Variants in PTBP3 observed in about 807,000 individuals in gnomAD.
PTBP3 encodes the protein polypyrimidine tract binding protein 3.
Under a neutral mutation model 58.7 loss-of-function variants are expected in PTBP3, and 20 were observed. The observed-to-expected ratio is 0.34, with a 90% CI of 0.24 to 0.50. The LOEUF is 0.50. PTBP3 is among the 20% of genes least tolerant of loss of function. PTBP3 has a pLI of 0.98. For missense variants in PTBP3, 509 were observed against 637.2 expected, an observed-to-expected ratio of 0.80 and a Z score of 2.17; for synonymous variants, 185 against 219.8, an observed-to-expected ratio of 0.84 and a Z score of 1.40.
At chr9:112,319,876 C>T (rs1829849414) in intron 1 of PTBP3, among the ~76,000 whole-genome samples, 1 of 152,172 alleles carries the variant, frequency 6.6e-6, no homozygotes, top group African/African-American at 2.4e-5. Context: ...CATGAGACAA[C>T]ATGGATAAAC....
chr9:112,277,271 C>A (rs776609480), intron 2 of PTBP3, among the ~76,000 whole-genome samples: 3 of 152,118 alleles, frequency 2.0e-5, no homozygotes, highest in Non-Finnish European at 4.4e-5. Context: ...GGTCTGCGTA[C>A]CTTTATATAG....
chr9:112,296,212 C>T (rs1485354179), intron 2 of PTBP3, among the ~76,000 whole-genome samples: 1 of 152,066 alleles, frequency 6.6e-6, no homozygotes, highest in Non-Finnish European at 1.5e-5. Context: ...TTTAAAACAA[C>T]ACCTAAACAG....
At chr9:112,376,252 G>T in the PTBP3 span, among the ~76,000 whole-genome samples, 10 of 75,006 alleles carry the variant, frequency 1.3e-4, no homozygotes, top group East Asian at 1.7e-3. Flanking sequence ...AGTTTATTAA[G>T]TTTTTTTTTT....
the PTBP3 span, among the ~76,000 whole-genome samples, chr9:112,366,668 A>G: frequency 1.3e-5 from 2 of 152,236 alleles, no homozygotes; most frequent in Non-Finnish European, 2.9e-5. Context: ...AGTTTGCTGC[A>G]GGGGTGGGCC....
chr9:112,290,705 T>TACACACACACACACACAC (rs1418787518), intron 2 of PTBP3, among the ~76,000 whole-genome samples: 3 of 72,986 alleles, frequency 4.1e-5, no homozygotes, highest in African/African-American at 1.4e-4. Flanking sequence ...TATATATATA[T>TACACACACACACACACAC]ATACACACAC....
intron 10 of PTBP3, 124 bp from the exon 11 acceptor site, chr9:112,228,596 A>T: frequency 1.8e-6 from 1 of 568,320 alleles, no homozygotes; most frequent in East Asian, 3.1e-5. Flanking sequence ...ATACACCTGC[A>T]AATTTTTATC....
At chr9:112,268,522 C>A (rs866448361) in intron 3 of PTBP3, among the ~76,000 whole-genome samples, 19 of 151,374 alleles carry the variant, frequency 1.3e-4, no homozygotes, top group Non-Finnish European at 2.7e-4. Context: ...CAGCGAGAAC[C>A]CATCTCTACA....
At chr9:112,337,447 A>G (rs1354644502), upstream of PTBP3, among the ~76,000 whole-genome samples, 4 of 152,230 alleles carry the variant, frequency 2.6e-5, no homozygotes, top group African/African-American at 9.6e-5. Flanking sequence ...AACTGTTCCC[A>G]TAGCCTACAT....
At chr9:112,311,903 C>T (rs192927482) in intron 1 of PTBP3, among the ~76,000 whole-genome samples, 1 of 152,160 alleles carries the variant, frequency 6.6e-6, no homozygotes, top group East Asian at 1.9e-4. Context: ...GCTCTAGGAT[C>T]GTGCCTGTGA....
At chr9:112,270,624 T>C (rs902872910) in intron 3 of PTBP3, among the ~76,000 whole-genome samples, 1 of 152,184 alleles carries the variant, frequency 6.6e-6, no homozygotes, top group African/African-American at 2.4e-5. Context: ...CGTGTAGCAT[T>C]GACAGACAGC....
intron 7 of PTBP3, among the ~76,000 whole-genome samples, chr9:112,246,806 G>A (rs996783541): frequency 6.6e-6 from 1 of 152,040 alleles, no homozygotes; most frequent in Non-Finnish European, 1.5e-5. Context: ...TTACAGGGAA[G>A]AAATCTGCAA....
At chr9:112,268,722 A>AG (rs1827229175) in intron 3 of PTBP3, among the ~76,000 whole-genome samples, 2 of 152,006 alleles carry the variant, frequency 1.3e-5, no homozygotes, top group Admixed American at 1.3e-4. Context: ...CAAAAAAAAA[A>AG]AAAAAAAAAA....
At chr9:112,376,256 T>TG in the PTBP3 span, among the ~76,000 whole-genome samples, 8 of 134,334 alleles carry the variant, frequency 6.0e-5, no homozygotes, top group East Asian at 2.1e-4. Context: ...TATTAAGTTT[T>TG]TTTTTTTTTT....
chr9:112,266,863 C>T (rs1240661241), intron 4 of PTBP3, among the ~76,000 whole-genome samples: 1 of 152,132 alleles, frequency 6.6e-6, no homozygotes, highest in African/African-American at 2.4e-5. Context: ...GTACCAAAAG[C>T]ATGTATCCTA....
At chr9:112,284,936 A>C (rs933573506) in intron 2 of PTBP3, among the ~76,000 whole-genome samples, 1 of 101,842 alleles carries the variant, frequency 9.8e-6, no homozygotes, top group South Asian at 4.3e-4. Context: ...CTCAGATTAG[A>C]CTTTGGACTT....
chr9:112,243,417 C>T (rs1179724626), intron 7 of PTBP3, among the ~76,000 whole-genome samples: 1 of 152,104 alleles, frequency 6.6e-6, no homozygotes, highest in Non-Finnish European at 1.5e-5. Context: ...TGGCAGGCAC[C>T]TGTAATCCCA....
rs7849317 is a variant in PTBP3 at position 112,290,707 on chromosome 9, T to A, written c.34+7125A>T. Among the ~76,000 whole-genome samples, 531 of 110,910 alleles carry A rather than the reference T, an allele frequency of 4.8e-3. 16 individuals carry two copies. The highest frequency in any genetic ancestry group is 0.014 in the Middle Eastern group (3 of 214). The allele number at this position is 110,910 out of a possible 152,430, so 72.8% of individuals were successfully genotyped here. On this transcript the variant is annotated intron_variant, in intron 2 of 13. Transcript: ENST00000374257. The stretch of plus-strand genomic sequence containing the variant: ...AAAAAAATATATATATATATATATA[T>A]ACACACACACACACACACACACACA...
intron 5 of PTBP3, among the ~76,000 whole-genome samples, chr9:112,258,266 T>C (rs1836455941): frequency 6.6e-6 from 1 of 152,238 alleles, no homozygotes; most frequent in African/African-American, 2.4e-5. Flanking sequence ...ACTTCTTTCA[T>C]GCACAATGAC....
At chr9:112,346,167 C>T in the PTBP3 span, among the ~76,000 whole-genome samples, 1 of 150,434 alleles carries the variant, frequency 6.6e-6, no homozygotes, top group African/African-American at 2.5e-5. Flanking sequence ...TTTCTTTTTT[C>T]TTTTTTTTCC....
Sources: gnomAD v4.1 joint callset for allele counts (sites outside exome capture counted in the v4.1 genomes callset) on GRCh38, gnomAD v4.1.1 for gene constraint, MANE v1.5 for transcripts, NCBI Gene and HGNC (gene_info 2026-07-23, HGNC 2026-07-21) for gene names.